Variants in METTL8 observed in about 807,000 individuals in gnomAD.
METTL8 encodes methyltransferase 8, tRNA N3-cytidine.
METTL8 carries 32 observed loss-of-function variants against 48.7 expected under a neutral mutation model. That is an observed-to-expected ratio of 0.66 (90% CI 0.50 to 0.88). The LOEUF is 0.88. Among genes scored for constraint, METTL8 ranks in the 40% least tolerant of loss-of-function variants. The pLI, the probability that METTL8 is intolerant of heterozygous loss-of-function variation, is 0.00. For missense variants in METTL8, 464 were observed against 474.4 expected, an observed-to-expected ratio of 0.98 and a Z score of 0.20; for synonymous variants, 136 against 157.1, an observed-to-expected ratio of 0.87 and a Z score of 1.01.
intron 2 of METTL8, chr2:171,375,096 G>A: frequency 8.3e-7 from 1 of 1,202,136 alleles, no homozygotes; most frequent in Non-Finnish European, 1.2e-6. Context: ...GAAGCACATA[G>A]GCATTGAAGA....
At chr2:171,420,589 C>T (rs939321402) in intron 1 of METTL8, among the ~76,000 whole-genome samples, 1 of 152,064 alleles carries the variant, frequency 6.6e-6, no homozygotes. Flanking sequence ...CCTGAGCCAG[C>T]AAGAAAGAGA....
intron 2 of METTL8, among the ~76,000 whole-genome samples, chr2:171,379,987 T>C (rs997261300): frequency 6.6e-6 from 1 of 152,138 alleles, no homozygotes; most frequent in Non-Finnish European, 1.5e-5. Flanking sequence ...TGAACATTGA[T>C]GCAAAAATCC....
At chr2:171,344,002 G>A (rs1236212491) in intron 3 of METTL8, among the ~76,000 whole-genome samples, 10 of 152,212 alleles carry the variant, frequency 6.6e-5, no homozygotes, top group Admixed American at 5.9e-4. Context: ...ATATTAGAAG[G>A]CAATAGTCAG....
intron 2 of METTL8, among the ~76,000 whole-genome samples, chr2:171,389,253 C>G (rs186559391): frequency 5.3e-5 from 8 of 152,216 alleles, no homozygotes; most frequent in Non-Finnish European, 7.4e-5. Flanking sequence ...AGTGCTATGG[C>G]TCACACCTGT....
upstream of METTL8, chr2:171,434,038 G>T (rs554006456): frequency 2.4e-4 from 68 of 286,794 alleles, no homozygotes; most frequent in South Asian, 1.9e-3. Flanking sequence ...GCACACACGG[G>T]GCGGAGACCT....
At chr2:171,336,175 A>C (rs1686068195) in intron 5 of METTL8, among the ~76,000 whole-genome samples, 1 of 151,710 alleles carries the variant, frequency 6.6e-6, no homozygotes, top group Non-Finnish European at 1.5e-5. Context: ...AGCTCACTGC[A>C]ACCTCCACCT....
At position 171,317,020 on chromosome 2, in the gene METTL8, G is replaced by A. The variant is rs1684295178; in HGVS notation, c.*7152C>T. ...AAGTTGCTCTCAGGAGGCAGAAGGT[G>A]AGAGAAATGAGGCAGCAATTACATA... is the stretch of plus-strand genomic sequence containing the variant. On this transcript the variant is annotated 3_prime_UTR_variant, in exon 10 of 10. Transcript: ENST00000375258. Among the ~76,000 whole-genome samples, 1 of 152,200 alleles carries A rather than the reference G, an allele frequency of 6.6e-6. No individual in the cohort carries two copies. Among genetic ancestry groups the A allele is most frequent in the South Asian group, 2.1e-4 (1 of 4,834 alleles).
At chr2:171,372,759 T>C (rs143378702) in intron 2 of METTL8, among the ~76,000 whole-genome samples, 2,365 of 152,338 alleles carry the variant, frequency 0.016, 36 homozygotes, top group Middle Eastern at 0.027. Context: ...TTGCGATAGT[T>C]TGCTGAGAAT....
chr2:171,401,580 A>G (rs888858324), intron 1 of METTL8, among the ~76,000 whole-genome samples: 17 of 152,144 alleles, frequency 1.1e-4, no homozygotes, highest in African/African-American at 4.1e-4. Flanking sequence ...ACTCACACAA[A>G]AAGAGGCAAC....
At chr2:171,339,980 C>T (rs943644365) in intron 3 of METTL8, among the ~76,000 whole-genome samples, 5 of 149,548 alleles carry the variant, frequency 3.3e-5, no homozygotes, top group Admixed American at 6.7e-5. Flanking sequence ...GGGTGGATCA[C>T]GAGGTCAGGA....
chr2:171,410,207 A>G (rs997329458), intron 1 of METTL8, among the ~76,000 whole-genome samples: 5 of 152,176 alleles, frequency 3.3e-5, no homozygotes, highest in African/African-American at 7.2e-5. Flanking sequence ...TCAGAACCAC[A>G]TTTTCTATAG....
chr2:171,324,114 T>TAAG lies in METTL8; in HGVS notation c.*57_*58insCTT, dbSNP rs1407908219. ...ATTGTCTTTTGAGAAACAATAGACT[T>TAAG]ACAGTAGTCCTTGAATAGCACAGTC... On this transcript the variant is annotated 3_prime_UTR_variant, in exon 10 of 10. Transcript: ENST00000375258. The TAAG allele has an allele frequency of 8.2e-7, 1 of 1,212,998 alleles. No homozygotes were observed. The highest frequency in any genetic ancestry group is 1.5e-5 in the African/African-American group (1 of 64,980). The allele number at this position is 1,212,998 out of a possible 1,614,324, so 75.1% of individuals were successfully genotyped here.
Position 171,341,814 on chromosome 2 carries a change from G to A in METTL8, c.236-2260C>T, listed in dbSNP as rs138885225. Among the ~76,000 whole-genome samples, 499 of 147,878 alleles carry A rather than the reference G, an allele frequency of 3.4e-3. 1 individual carries two copies. The highest frequency in any genetic ancestry group is 6.9e-3 in the Middle Eastern group (2 of 290). On this transcript the variant is annotated intron_variant, in intron 3 of 9. Transcript: ENST00000375258. ...AATAAGAAGAAAATACGCATGTATG[G>A]TTACATAGAAATATTCATGTACACA...
intron 2 of METTL8, among the ~76,000 whole-genome samples, chr2:171,385,336 C>CAA (rs201042982): frequency 1.0e-5 from 1 of 96,310 alleles, no homozygotes; most frequent in Non-Finnish European, 2.3e-5. Context: ...GACCCTGTCT[C>CAA]AAAAAAAAAA....
chr2:171,337,652 T>A lies in METTL8; in HGVS notation c.607-150A>T, dbSNP rs1441564798. On this transcript the variant is annotated intron_variant, in intron 4 of 9. Coordinates refer to ENST00000375258, the MANE Select transcript of METTL8 (RefSeq NM_001321154.2). ...CTAAACTCAAAAGCAATGAAATAAA[T>A]CACAGGAATAAACACTAAGAAATCT... is the stretch of plus-strand genomic sequence containing the variant. 8.3e-6 allele frequency: 5 copies of A among 602,998 alleles called. No individual in the cohort carries two copies. In the Admixed American group the frequency reaches 1.7e-4, roughly 21 times the overall value. The allele number at this position is 602,998 out of a possible 1,614,324, so 37.4% of individuals were successfully genotyped here. A position where few individuals can be genotyped will look rare whatever the true frequency, so the allele number is the denominator to read the frequency against.
chr2:171,372,739 T>C (rs538610631), intron 2 of METTL8, among the ~76,000 whole-genome samples: 1 of 152,276 alleles, frequency 6.6e-6, no homozygotes, highest in Admixed American at 6.5e-5. Flanking sequence ...TGGTGTTTAG[T>C]TTTCTGTCCT....
chr2:171,362,158 G>T (rs1243006293), intron 2 of METTL8, among the ~76,000 whole-genome samples: 1 of 152,214 alleles, frequency 6.6e-6, no homozygotes, highest in Non-Finnish European at 1.5e-5. Flanking sequence ...GAACAGTTAA[G>T]TAGTATGCAA....
chr2:171,347,646 T>C (rs1225089370), intron 3 of METTL8, among the ~76,000 whole-genome samples: 1 of 152,236 alleles, frequency 6.6e-6, no homozygotes, highest in East Asian at 1.9e-4. Flanking sequence ...GGCTTGACTC[T>C]GTCTGTCACA....
chr2:171,333,618 T>C (rs1375930812), intron 5 of METTL8, among the ~76,000 whole-genome samples: 1 of 152,220 alleles, frequency 6.6e-6, no homozygotes, highest in East Asian at 1.9e-4. Context: ...AAAATAGCAC[T>C]TTACTTCAGC....
Sources: gnomAD v4.1 joint callset for allele counts (sites outside exome capture counted in the v4.1 genomes callset) on GRCh38, gnomAD v4.1.1 for gene constraint, MANE v1.5 for transcripts, NCBI Gene and HGNC (gene_info 2026-07-23, HGNC 2026-07-21) for gene names.